CUL4B: variants seen among roughly 807,000 people sequenced by gnomAD.
The protein encoded by CUL4B is cullin-4B.
A neutral mutation model predicts 69.2 loss-of-function variants in CUL4B; 1 was observed. The observed-to-expected ratio is 0.01, with a 90% CI of 0.01 to 0.07. The LOEUF (loss-of-function observed/expected upper bound fraction) is 0.07. CUL4B is among the 10% of genes least tolerant of loss of function. The pLI, the probability that CUL4B is intolerant of heterozygous loss-of-function variation, is 1.00. For missense variants in CUL4B, 328 were observed against 638.8 expected (o/e 0.51, Z 5.24); for synonymous variants, 237 against 223.2 (o/e 1.06, Z -0.55).
At chrX:120,558,115 C>A (rs1925087510) in intron 1 of CUL4B, 76 bp from the exon 2 acceptor site, 4 of 594,674 alleles carry the variant, frequency 6.7e-6, no homozygotes, top group Admixed American at 2.6e-5. Context: ...AATATAATAG[C>A]ATTACTAATT....
At chrX:120,535,312 C>T (rs1457497375) in intron 16 of CUL4B, among the ~76,000 whole-genome samples, 1 of 111,425 alleles carries the variant, frequency 9.0e-6, no homozygotes, top group Non-Finnish European at 1.9e-5. Context: ...CCAAATCAAT[C>T]GTGGAAAGAC....
Position 120,560,411 on chromosome X carries a change from T to C in CUL4B, c.228A>G (p.Ala76=), listed in dbSNP as rs972696850. Residue 76 remains alanine, a synonymous_variant, in exon 1 of 20, where the codon GCA becomes GCG. Transcript: ENST00000371322. The part of the protein sequence containing the change: ...STPPLQPRDS[A]SPSTSSFCLG... ...GGCAGAAGGACGAGGTTGAAGGGGA[T>C]GCCGAATCCCTGGGTTGTAAAGGAG... 29 of 1,207,432 alleles carry C rather than the reference T, an allele frequency of 2.4e-5. No individual in the cohort carries two copies. The highest frequency in any genetic ancestry group is 3.0e-5 in the Non-Finnish European group (27 of 893,795).
At chrX:120,541,507 A>G (rs554947816) in intron 10 of CUL4B, 95 bp downstream of exon 10, 8 of 676,147 alleles carry the variant, frequency 1.2e-5, no homozygotes, top group African/African-American at 1.1e-4. Flanking sequence ...CTCAAAAAAA[A>G]AAAAATTGGA....
Position 120,524,547 on chromosome X carries a change from T to C in CUL4B, c.*2214A>G, listed in dbSNP as rs1399867546. 8.9e-6 allele frequency: 1 copy of C among 112,054 alleles called. No individual in the cohort carries two copies. The highest frequency in any genetic ancestry group is 1.9e-5 in the Non-Finnish European group (1 of 53,142). 9.2% of individuals were successfully genotyped at this position (112,054 alleles called of 1,213,427 possible). A position where few individuals can be genotyped will look rare whatever the true frequency, so the allele number is the denominator to read the frequency against. ...AGTTCATTAGAAGTTGTTAGGAAGA[T>C]TTTAAGTCCTGTGATTTTATAACTT... On this transcript the variant is annotated 3_prime_UTR_variant, in exon 20 of 20. Coordinates refer to ENST00000371322, the MANE Select transcript of CUL4B (RefSeq NM_001079872.2).
intron 2 of CUL4B, 38 bp from the exon 3 acceptor site, chrX:120,547,277 G>A: frequency 1.2e-6 from 1 of 819,613 alleles, no homozygotes; most frequent in South Asian, 2.1e-5. Context: ...AGAGGATGAA[G>A]GATTTCTCAA....
intron 16 of CUL4B, among the ~76,000 whole-genome samples, chrX:120,535,509 C>T (rs1178485361): frequency 9.1e-6 from 1 of 109,318 alleles, no homozygotes; most frequent in Non-Finnish European, 1.9e-5. Context: ...CAGAGACCAT[C>T]CTGGCCAACA....
At chrX:120,537,832 G>T (rs187988102) in intron 14 of CUL4B, among the ~76,000 whole-genome samples, 3 of 111,662 alleles carry the variant, frequency 2.7e-5, no homozygotes, top group Admixed American at 9.6e-5. Context: ...ATTACCAAAC[G>T]ATAAGATGCT....
chrX:120,539,816 T>C (rs1288181377), intron 11 of CUL4B, among the ~76,000 whole-genome samples: 1 of 111,867 alleles, frequency 8.9e-6, no homozygotes, highest in East Asian at 2.8e-4. Context: ...AAGGTAAAAT[T>C]TGCTACATGT....
chrX:120,574,564 G>A, exon 2 of CUL4B: 1 of 1,204,245 alleles, frequency 8.3e-7, no homozygotes, highest in Non-Finnish European at 1.1e-6. Context: ...CGTCTTTAGA[G>A]GTAGTAGCCT....
chrX:120,574,761 A>C (rs1925820340), intron 1 of CUL4B: 5 of 581,528 alleles, frequency 8.6e-6, no homozygotes, highest in Non-Finnish European at 1.2e-5. Flanking sequence ...GGAAATTATC[A>C]AAATTTTGGT....
At chrX:120,544,228 G>A (rs1354909135) in intron 6 of CUL4B, 25 bp from the exon 7 acceptor site, 1 of 1,047,130 alleles carries the variant, frequency 9.5e-7, no homozygotes, top group Non-Finnish European at 1.3e-6. Flanking sequence ...AAATGAAGGA[G>A]ATCATTTATT....
At chrX:120,537,641 CAA>C (rs1402861734) in intron 14 of CUL4B, among the ~76,000 whole-genome samples, 1 of 111,937 alleles carries the variant, frequency 8.9e-6, no homozygotes, top group Admixed American at 9.5e-5. Context: ...TACTAAAACC[CAA>C]AAGAGGAAAA....
At chrX:120,537,142 C>T (rs1923720809) in intron 14 of CUL4B, 108 bp from the exon 15 acceptor site, 1 of 578,705 alleles carries the variant, frequency 1.7e-6, no homozygotes, top group African/African-American at 2.3e-5. Flanking sequence ...CAAACACTGA[C>T]CATCCTTAAA....
rs1317796199 is a variant in CUL4B at position 120,536,911 on chromosome X, A to G, written c.2046+16T>C. 9.1e-7 allele frequency: 1 copy of G among 1,097,409 alleles called. No homozygotes were observed. Among genetic ancestry groups the G allele is most frequent in the Non-Finnish European group, 1.3e-6 (1 of 791,408 alleles). The allele number at this position is 1,097,409 out of a possible 1,213,427, so 90.4% of individuals were successfully genotyped here. A position where few individuals can be genotyped will look rare whatever the true frequency, so the allele number is the denominator to read the frequency against. ...ATTTCTATGCCTATAACTCAGTTCT[A>G]AACAGTAACTCTTACCTCTGGTGGT... On this transcript the variant is annotated intron_variant, in intron 15 of 19. Coordinates refer to ENST00000371322, the MANE Select transcript of CUL4B (RefSeq NM_001079872.2).
intron 18 of CUL4B, 156 bp downstream of exon 18, chrX:120,532,266 A>G (rs961129711): frequency 2.0e-5 from 9 of 456,810 alleles, no homozygotes; most frequent in Non-Finnish European, 3.3e-5. Context: ...TCTCCCAAAC[A>G]CCCAAAATCA....
downstream of CUL4B, among the ~76,000 whole-genome samples, chrX:120,567,288 T>C (rs1396058739): frequency 9.2e-6 from 1 of 108,908 alleles, no homozygotes; most frequent in African/African-American, 3.4e-5. Flanking sequence ...CATGCCCAGC[T>C]AAATTTTTTG....
intron 4 of CUL4B, 150 bp downstream of exon 4, chrX:120,546,397 T>G (rs1924326899): frequency 2.3e-6 from 1 of 427,325 alleles, no homozygotes; most frequent in African/African-American, 2.6e-5. Context: ...ATAAATAAAT[T>G]TTTAAAAAAA....
At chrX:120,550,914 A>G (rs1044481088) in intron 2 of CUL4B, among the ~76,000 whole-genome samples, 2 of 111,649 alleles carry the variant, frequency 1.8e-5, no homozygotes, top group Admixed American at 9.5e-5. Flanking sequence ...AAAAACATAC[A>G]CAGTCGTTTT....
chrX:120,568,769 A>T (rs1925627890), downstream of CUL4B, among the ~76,000 whole-genome samples: 1 of 112,216 alleles, frequency 8.9e-6, no homozygotes, highest in Non-Finnish European at 1.9e-5. Flanking sequence ...GATAAGAAGT[A>T]GGCTCAGCAA....
Sources: allele counts gnomAD v4.1 joint callset (sites outside exome capture counted in the v4.1 genomes callset), GRCh38; gene constraint gnomAD v4.1.1; transcripts MANE v1.5; gene names NCBI Gene and HGNC (gene_info 2026-07-23, HGNC 2026-07-21).